The following PSG1 variants were observed in gnomAD, a reference collection of about 807,000 sequenced individuals.
The protein encoded by PSG1 is pregnancy specific beta-1-glycoprotein 1, also known as pregnancy-specific beta-1-glycoprotein 1.
PSG1 carries 60 observed loss-of-function variants against 41.4 expected under a neutral mutation model. That is an observed-to-expected ratio of 1.45 (90% CI 1.18 to 1.80). The LOEUF (loss-of-function observed/expected upper bound fraction) is 1.80, where lower values mean the gene tolerates loss of function less well. Among genes scored for constraint, PSG1 ranks in the 40% most tolerant of loss-of-function variants. The probability of loss-of-function intolerance (pLI) is 0.00; values close to 1 mark genes in which losing one functional copy is unlikely to be tolerated. For synonymous variants in PSG1, 256 were observed against 192.9 expected (o/e 1.33, Z -2.71); for missense variants, 806 against 516.9 (o/e 1.56, Z -5.42).
chr19:42,871,635 A>G (rs1462287685), intron 3 of PSG1, 132 bp downstream of exon 3: 10 of 1,603,238 alleles, frequency 6.2e-6, no homozygotes, highest in Non-Finnish European at 5.1e-6. Flanking sequence ...CTGGGGCACA[A>G]AGTCATGGCC....
intron 2 of PSG1, among the ~76,000 whole-genome samples, chr19:42,875,816 A>C (rs1191030032): frequency 7.5e-6 from 1 of 133,930 alleles, no homozygotes; most frequent in Non-Finnish European, 1.6e-5. Flanking sequence ...TATTTTATTT[A>C]TTTATTTGTT....
Position 42,879,648 on chromosome 19 carries a change from G to C in PSG1, c.-67C>G. On this transcript the variant is annotated 5_prime_UTR_variant, in exon 1 of 6. Transcript: ENST00000436291. Reference sequence around the variant, plus strand: ...TAGGATCCAGAAACTCTCTGAGCACGGCTGTCAGCTGTGCTGTCCTTCCTC... The same window carrying C: ...TAGGATCCAGAAACTCTCTGAGCACCGCTGTCAGCTGTGCTGTCCTTCCTC... 6.3e-7 allele frequency: 1 copy of C among 1,587,130 alleles called. No individual in the cohort carries two copies. Among genetic ancestry groups the C allele is most frequent in the East Asian group, 2.3e-5 (1 of 44,106 alleles).
intron 3 of PSG1, among the ~76,000 whole-genome samples, chr19:42,871,373 A>C (rs1319735427): frequency 1.3e-5 from 2 of 151,594 alleles, no homozygotes; most frequent in Non-Finnish European, 2.9e-5. Flanking sequence ...TGGAGTAAAG[A>C]GAATAATGTC....
chr19:42,877,450 A>T (rs1247271691), intron 2 of PSG1, among the ~76,000 whole-genome samples: 1 of 151,608 alleles, frequency 6.6e-6, no homozygotes, highest in Non-Finnish European at 1.5e-5. Flanking sequence ...GCCCTGCCCA[A>T]GAAGCCACAA....
chr19:42,875,872 T>G (rs1971582382), intron 2 of PSG1, among the ~76,000 whole-genome samples: 1 of 148,728 alleles, frequency 6.7e-6, no homozygotes, highest in African/African-American at 2.5e-5. Context: ...GTCTGGCAAT[T>G]ATGAGAGTGG....
At position 42,871,901 on chromosome 19, in the gene PSG1, C is replaced by T. The variant is rs375893432; in HGVS notation, c.575G>A (p.Ser192Asn). 2.4e-5 allele frequency: 39 copies of T among 1,612,336 alleles called. No homozygotes were observed. The highest frequency in any genetic ancestry group is 3.3e-5 in the Admixed American group (2 of 59,884). Residue 192 changes from serine to asparagine, a missense_variant, in exon 3 of 6, where the codon AGC becomes AAC. By Grantham distance (46) the Ser-to-Asn change is conservative. Coordinates refer to ENST00000436291, the MANE Select transcript of PSG1 (RefSeq NM_001184825.2). ...CCTGTTGGTTTCGGACAGCTTCAAG[C>T]TGTGAGTCATAGGGAGGCTCTGACC... ...MNGQSLPMTH[S>N]LKLSETNRTL...
rs898840394 is a variant in PSG1 at position 42,867,045 on chromosome 19, A to T, written c.*89T>A. On this transcript the variant is annotated 3_prime_UTR_variant, in exon 6 of 6. Transcript: ENST00000436291. ...CCATGAAATTTACATTGAGTTGTCC[A>T]CCTCCAGCTTATAGGGCTTCTGGAA... is the stretch of plus-strand genomic sequence containing the variant. The T allele has an allele frequency of 2.2e-5, 17 of 769,928 alleles. No homozygotes were observed. The Admixed American group carries it at 2.7e-4, about 12-fold the overall frequency. The allele number at this position is 769,928 out of a possible 1,614,324, so 47.7% of individuals were successfully genotyped here. A position where few individuals can be genotyped will look rare whatever the true frequency, so the allele number is the denominator to read the frequency against.
At chr19:42,872,455 G>A (rs13346001) in intron 2 of PSG1, among the ~76,000 whole-genome samples, 28,946 of 151,510 alleles carry the variant, frequency 0.19, 3,898 homozygotes, top group East Asian at 0.41. Context: ...TTTCTCTGCA[G>A]CTTCCCTTGC....
chr19:42,876,114 A>C (rs761275860), intron 2 of PSG1, among the ~76,000 whole-genome samples: 2 of 151,230 alleles, frequency 1.3e-5, no homozygotes, highest in African/African-American at 2.4e-5. Context: ...GAACAGCCAG[A>C]GTGGTTAGAG....
intron 2 of PSG1, among the ~76,000 whole-genome samples, chr19:42,874,942 A>T (rs1971543303): frequency 6.6e-6 from 1 of 151,690 alleles, no homozygotes; most frequent in African/African-American, 2.4e-5. Context: ...ACAAATTTCA[A>T]GCTTGTTATA....
intron 1 of PSG1, among the ~76,000 whole-genome samples, chr19:42,879,065 A>G (rs1971749436): frequency 1.3e-5 from 2 of 151,476 alleles, no homozygotes; most frequent in Admixed American, 6.6e-5. Context: ...TTCCGGTCCA[A>G]TACGACTTTC....
Position 42,878,600 on chromosome 19 carries a change from C to T in PSG1, c.65-322G>A, listed in dbSNP as rs756896088. On this transcript the variant is annotated intron_variant, in intron 1 of 5. Transcript: ENST00000436291. ...GGCCCCCTCCACAATGCCCTCAGGT[C>T]CTGCTTACATCAGGGCATCGTTAGA... Among the ~76,000 whole-genome samples the T allele has an allele frequency of 5.2e-4, 73 of 140,638 alleles. 4 individuals carry two copies. In the Middle Eastern group the frequency reaches 0.011, roughly 20 times the overall value. The allele number at this position is 140,638 out of a possible 152,430, so 92.3% of individuals were successfully genotyped here.
chr19:42,878,343 C>T, intron 1 of PSG1, 65 bp from the exon 2 acceptor site: 1 of 1,540,940 alleles, frequency 6.5e-7, no homozygotes, highest in Non-Finnish European at 8.7e-7. Flanking sequence ...ACATGGGGCC[C>T]TGGGTCCTGA....
Position 42,878,372 on chromosome 19 carries a change from C to G in PSG1, c.65-94G>C, listed in dbSNP as rs1025299077. 7.6e-5 allele frequency: 111 copies of G among 1,465,044 alleles called. 1 individual carries two copies. The highest frequency in any genetic ancestry group is 3.8e-4 in the Middle Eastern group (2 of 5,286). The allele number at this position is 1,465,044 out of a possible 1,614,324, so 90.8% of individuals were successfully genotyped here. A position where few individuals can be genotyped will look rare whatever the true frequency, so the allele number is the denominator to read the frequency against. ...GTCCTGAGAAGGTCTCTTCAGTCCTCAGCCTTGACAACACAGACACACACA... is the reference window on the plus strand; with the variant it reads ...GTCCTGAGAAGGTCTCTTCAGTCCTGAGCCTTGACAACACAGACACACACA... On this transcript the variant is annotated intron_variant, in intron 1 of 5. Coordinates refer to ENST00000436291, the MANE Select transcript of PSG1 (RefSeq NM_001184825.2).
intron 2 of PSG1, among the ~76,000 whole-genome samples, chr19:42,877,044 T>C (rs1023444500): frequency 2.0e-5 from 3 of 151,700 alleles, no homozygotes; most frequent in African/African-American, 7.3e-5. Flanking sequence ...ACTGTGGCTT[T>C]TCATGCTATC....
intron 2 of PSG1, among the ~76,000 whole-genome samples, chr19:42,873,663 G>C (rs550741482): frequency 6.6e-6 from 1 of 151,806 alleles, no homozygotes; most frequent in South Asian, 2.1e-4. Context: ...GATGCCAAAG[G>C]TGATTTGAAA....
chr19:42,874,528 A>G (rs543861724), intron 2 of PSG1, among the ~76,000 whole-genome samples: 1 of 151,684 alleles, frequency 6.6e-6, no homozygotes, highest in Non-Finnish European at 1.5e-5. Context: ...TTGCATTTTT[A>G]GTAGAGACGG....
intron 2 of PSG1, among the ~76,000 whole-genome samples, 187 bp downstream of exon 2, chr19:42,877,726 A>G (rs906032115): frequency 3.8e-4 from 58 of 151,782 alleles, no homozygotes; most frequent in South Asian, 1.0e-3. Flanking sequence ...GTCTGGATGC[A>G]GGAAAGGAAT....
chr19:42,868,010 C>A, intron 5 of PSG1, 91 bp downstream of exon 5: 1 of 1,609,356 alleles, frequency 6.2e-7, no homozygotes, highest in South Asian at 1.1e-5. Context: ...GGGACACAGG[C>A]TGGGAATACA....
Sources: gnomAD v4.1 joint callset for allele counts (sites outside exome capture counted in the v4.1 genomes callset) on GRCh38, gnomAD v4.1.1 for gene constraint, MANE v1.5 for transcripts, NCBI Gene and HGNC (gene_info 2026-07-23, HGNC 2026-07-21) for gene names.